Variants in ZNF248 observed in about 807,000 individuals in gnomAD.
ZNF248 encodes the protein zinc finger protein 248, also known as KRAB protein domain.
ZNF248 carries 20 observed loss-of-function variants against 44.3 expected under a neutral mutation model. That is an observed-to-expected ratio of 0.45 (90% CI 0.32 to 0.66). The LOEUF (loss-of-function observed/expected upper bound fraction) is 0.66. Among genes scored for constraint, ZNF248 ranks in the 30% least tolerant of loss-of-function variants. The pLI is 0.04. For synonymous variants in ZNF248, 224 were observed against 229.0 expected (o/e 0.98, Z 0.20); for missense variants, 654 against 677.0 (o/e 0.97, Z 0.38).
At chr10:37,777,373 G>A (rs771842046) in intron 6 of ZNF248, among the ~76,000 whole-genome samples, 6 of 152,096 alleles carry the variant, frequency 3.9e-5, no homozygotes, top group Non-Finnish European at 7.4e-5. Context: ...ATTCTTTCAG[G>A]ACTTGCATAA....
rs988287768 is a variant in ZNF248 at position 37,829,798 on chromosome 10, G to C, written c.*1817C>G. 7 of 985,288 alleles carry C rather than the reference G, an allele frequency of 7.1e-6. No homozygotes were observed. The African/African-American group carries it at 1.2e-4, about 17-fold the overall frequency. The allele number at this position is 985,288 out of a possible 1,614,324, so 61.0% of individuals were successfully genotyped here. ...TGTATCAAGGAGATCTTTCCCAGAA[G>C]TACTACACAATACTTCCCAAACATC... On this transcript the variant is annotated 3_prime_UTR_variant, in exon 6 of 6. Transcript: ENST00000395867.
intron 6 of ZNF248, among the ~76,000 whole-genome samples, chr10:37,797,965 T>G (rs1482004340): frequency 1.3e-5 from 2 of 152,078 alleles, no homozygotes; most frequent in Admixed American, 6.5e-5. Flanking sequence ...TAGGTATATA[T>G]CCAGAGAATT....
rs574337316 is a variant in ZNF248, at chr10:37,831,703, T to G, written c.1652A>C (p.Asn551Thr). 18 of 1,613,976 alleles carry G rather than the reference T, an allele frequency of 1.1e-5. No individual in the cohort carries two copies. The South Asian group carries it at 2.0e-4, about 18-fold the overall frequency. Reference protein sequence around the residue: ...THTGEKPYECNACGKTFSQRS... With the variant: ...THTGEKPYECTACGKTFSQRS... ...CTGACTAAAGGTCTTCCCACATGCA[T>G]TACACTCATACGGCTTCTCCCCTGT... The change falls in exon 6 of 6, where the codon AAT (asparagine) becomes ACT (threonine). Residue 551 changes from asparagine to threonine, a missense_variant. Transcript: ENST00000395867.
In ZNF248 at chr10:37,829,291, C is replaced by T; in HGVS notation, c.*2324G>A. The T allele has an allele frequency of 1.0e-6, 1 of 985,418 alleles. No individual in the cohort carries two copies. Among genetic ancestry groups the T allele is most frequent in the Non-Finnish European group, 1.2e-6 (1 of 829,926 alleles). 61.0% of individuals were successfully genotyped at this position (985,418 alleles called of 1,614,324 possible). A position where few individuals can be genotyped will look rare whatever the true frequency, so the allele number is the denominator to read the frequency against. ...GGCTCAGAATGGCAATGGCTTCCTG[C>T]TGATACAAGTCTCTGGGTGTTTCAC... On this transcript the variant is annotated 3_prime_UTR_variant, in exon 6 of 6. Transcript: ENST00000395867.
At chr10:37,792,427 G>A (rs1290530025) in intron 6 of ZNF248, among the ~76,000 whole-genome samples, 1 of 152,168 alleles carries the variant, frequency 6.6e-6, no homozygotes, top group Non-Finnish European at 1.5e-5. Flanking sequence ...TGGAAGACTA[G>A]AAATAATATA....
chr10:37,846,669 G>A (rs12248857), intron 3 of ZNF248, among the ~76,000 whole-genome samples: 20 of 151,972 alleles, frequency 1.3e-4, no homozygotes, highest in African/African-American at 4.6e-4. Flanking sequence ...ACAACAAACC[G>A]AGAGGACAAT....
intron 6 of ZNF248, among the ~76,000 whole-genome samples, chr10:37,817,619 C>T (rs1426941438): frequency 1.3e-5 from 2 of 152,042 alleles, no homozygotes; most frequent in African/African-American, 4.8e-5. Context: ...ATGAACATTG[C>T]CACGTACTTG....
At chr10:37,782,180 T>A (rs2047394561) in intron 6 of ZNF248, among the ~76,000 whole-genome samples, 1 of 152,190 alleles carries the variant, frequency 6.6e-6, no homozygotes. Flanking sequence ...CTCCACCAAC[T>A]GTGGTCTTGC....
chr10:37,850,227 T>C (rs1240786874), intron 3 of ZNF248, among the ~76,000 whole-genome samples: 1 of 152,184 alleles, frequency 6.6e-6, no homozygotes, highest in East Asian at 1.9e-4. Context: ...GCGTTTGCAA[T>C]TCAACAAGAT....
chr10:37,787,589 C>T (rs2048030566), intron 6 of ZNF248, among the ~76,000 whole-genome samples: 1 of 150,086 alleles, frequency 6.7e-6, no homozygotes, highest in African/African-American at 2.4e-5. Context: ...TTAAATTTGG[C>T]ATTAAAACAA....
intron 6 of ZNF248, among the ~76,000 whole-genome samples, chr10:37,777,946 T>C (rs1469892995): frequency 6.6e-6 from 1 of 152,014 alleles, no homozygotes; most frequent in Non-Finnish European, 1.5e-5. Context: ...TGTTGGACAT[T>C]TGGGTTGGTT....
intron 6 of ZNF248, chr10:37,794,562 A>C (rs1284775941): frequency 6.2e-6 from 1 of 161,566 alleles, no homozygotes; most frequent in Non-Finnish European, 1.4e-5. Flanking sequence ...AAGTTTTCCC[A>C]CATCTGATAC....
At chr10:37,808,173 G>A (rs2050880452) in intron 6 of ZNF248, among the ~76,000 whole-genome samples, 1 of 151,902 alleles carries the variant, frequency 6.6e-6, no homozygotes, top group East Asian at 1.9e-4. Context: ...TTCATATGTT[G>A]AGTCATCCTT....
intron 3 of ZNF248, among the ~76,000 whole-genome samples, chr10:37,844,851 G>T (rs1286301501): frequency 6.6e-6 from 1 of 152,138 alleles, no homozygotes; most frequent in Non-Finnish European, 1.5e-5. Context: ...ACTGGCAGAA[G>T]TGAGTCCTTC....
chr10:37,793,086 C>T, intron 6 of ZNF248, among the ~76,000 whole-genome samples: 1 of 152,116 alleles, frequency 6.6e-6, no homozygotes, highest in East Asian at 1.9e-4. Context: ...GTAATCCCAG[C>T]ACTTTGGGAG....
intron 6 of ZNF248, chr10:37,819,607 G>A (rs1236521563): frequency 1.1e-5 from 9 of 841,884 alleles, no homozygotes; most frequent in East Asian, 7.3e-5. Flanking sequence ...TTAGTTCCCC[G>A]ATACGTAGAT....
Position 37,833,110 on chromosome 10 carries a change from T to C in ZNF248, c.245A>G (p.Lys82Arg). 6.3e-7 allele frequency: 1 copy of C among 1,581,252 alleles called. No individual in the cohort carries two copies. Among genetic ancestry groups the C allele is most frequent in the African/African-American group, 1.4e-5 (1 of 73,038 alleles). Reference sequence around the variant, plus strand: ...CTCTAACACGTCATCAACTTTCCATTTCCTTTCTAGAAATGAGAAAAATAA... The same window carrying C: ...CTCTAACACGTCATCAACTTTCCATCTCCTTTCTAGAAATGAGAAAAATAA... Reference protein sequence around the residue: ...GFPSQCHPERKWKVDDVLESS... With the variant: ...GFPSQCHPERRWKVDDVLESS... The change falls in exon 6 of 6, where the codon AAA becomes AGA. Residue 82 changes from lysine (K) to arginine (R), a missense_variant. Lys to Arg is a conservative substitution (Grantham distance 26, BLOSUM62 2). Transcript: ENST00000395867.
downstream of ZNF248, among the ~76,000 whole-genome samples, chr10:37,826,924 G>A (rs1295488492): frequency 6.6e-6 from 1 of 152,168 alleles, no homozygotes; most frequent in East Asian, 1.9e-4. Context: ...TGGTTACAGT[G>A]CATGGAAAAA....
intron 6 of ZNF248, among the ~76,000 whole-genome samples, chr10:37,785,986 C>A (rs1443527352): frequency 6.6e-6 from 1 of 152,170 alleles, no homozygotes; most frequent in Admixed American, 6.5e-5. Context: ...ACAGAAGCAG[C>A]AGTGGACAGA....
Sources: gnomAD v4.1 joint callset for allele counts (sites outside exome capture counted in the v4.1 genomes callset) on GRCh38, gnomAD v4.1.1 for gene constraint, MANE v1.5 for transcripts, NCBI Gene and HGNC (gene_info 2026-07-23, HGNC 2026-07-21) for gene names.